Variants in HIPK3 observed in about 807,000 individuals in gnomAD.
HIPK3 encodes homeodomain-interacting protein kinase 3.
Under a neutral mutation model 124.2 loss-of-function variants are expected in HIPK3, and 47 were observed. The observed-to-expected ratio is 0.38, with a 90% CI of 0.30 to 0.48. The LOEUF is 0.48. Among genes scored for constraint, HIPK3 ranks in the 20% least tolerant of loss-of-function variants. The pLI is 0.98. For missense variants in HIPK3, 1,286 were observed against 1,454.3 expected (o/e 0.88, Z 1.88); for synonymous variants, 482 against 515.2 (o/e 0.94, Z 0.87).
At chr11:33,288,503 C>G (rs919774532) in intron 2 of HIPK3, among the ~76,000 whole-genome samples, 1 of 152,146 alleles carries the variant, frequency 6.6e-6, no homozygotes, top group African/African-American at 2.4e-5. Context: ...TCCCGTGACT[C>G]TTTAGGTCAC....
intron 2 of HIPK3, among the ~76,000 whole-genome samples, chr11:33,287,788 A>G (rs151262581): frequency 2.0e-5 from 3 of 152,366 alleles, no homozygotes; most frequent in African/African-American, 7.2e-5. Flanking sequence ...GTGATTAATA[A>G]TGATCAAACA....
chr11:33,299,250 G>C (rs1042696108), intron 2 of HIPK3, among the ~76,000 whole-genome samples: 5 of 151,668 alleles, frequency 3.3e-5, no homozygotes, highest in Admixed American at 6.6e-5. Context: ...GAGGCAGGTG[G>C]ATCACGAGGT....
At chr11:33,302,133 A>G (rs796162082) in intron 2 of HIPK3, among the ~76,000 whole-genome samples, 21 of 152,300 alleles carry the variant, frequency 1.4e-4, no homozygotes, top group African/African-American at 4.8e-4. Flanking sequence ...GTTATCTAGA[A>G]TCCCTTTCAG....
chr11:33,263,997 A>C (rs539902954), intron 1 of HIPK3, among the ~76,000 whole-genome samples: 20 of 152,316 alleles, frequency 1.3e-4, no homozygotes, highest in African/African-American at 4.8e-4. Context: ...TGGAGATCTT[A>C]AAAAATAAAA....
intron 1 of HIPK3, among the ~76,000 whole-genome samples, chr11:33,266,507 G>T (rs186428681): frequency 6.6e-6 from 1 of 152,242 alleles, no homozygotes; most frequent in Admixed American, 6.5e-5. Flanking sequence ...AGACCAGCTT[G>T]TGCAACATGC....
intron 12 of HIPK3, 35 bp downstream of exon 12, chr11:33,348,263 T>G: frequency 6.4e-7 from 1 of 1,573,882 alleles, no homozygotes; most frequent in African/African-American, 1.3e-5. Flanking sequence ...TGATTTATTA[T>G]CTACCTGTAA....
chr11:33,346,928 C>A (rs749353399), intron 8 of HIPK3, among the ~76,000 whole-genome samples: 2 of 152,078 alleles, frequency 1.3e-5, no homozygotes, highest in Non-Finnish European at 2.9e-5. Flanking sequence ...GTGGCTCATG[C>A]CTGTGATACC....
chr11:33,353,744 T>C lies in HIPK3; in HGVS notation c.*176T>C. The C allele has an allele frequency of 1.7e-6, 1 of 574,350 alleles. No homozygotes were observed. Among genetic ancestry groups the C allele is most frequent in the East Asian group, 3.0e-5 (1 of 33,776 alleles). The allele number at this position is 574,350 out of a possible 1,614,324, so 35.6% of individuals were successfully genotyped here. On this transcript the variant is annotated 3_prime_UTR_variant, in exon 17 of 17. Coordinates refer to ENST00000303296, the MANE Select transcript of HIPK3 (RefSeq NM_005734.5). ...TTTGATGTGTTTTGCACATTTGGTATAACTTGTCTTTGGTCATGTTATCTT... is the reference window on the plus strand; with the variant it reads ...TTTGATGTGTTTTGCACATTTGGTACAACTTGTCTTTGGTCATGTTATCTT...
At chr11:33,296,374 C>T (rs1328140040) in intron 2 of HIPK3, among the ~76,000 whole-genome samples, 1 of 152,142 alleles carries the variant, frequency 6.6e-6, no homozygotes, top group Non-Finnish European at 1.5e-5. Flanking sequence ...AAAACAGGAC[C>T]TGGACACAGG....
Position 33,338,855 on chromosome 11 carries a change from A to C in HIPK3, c.1428+12A>C. 1 of 1,589,746 alleles carries C rather than the reference A, an allele frequency of 6.3e-7. No individual in the cohort carries two copies. The highest frequency in any genetic ancestry group is 8.6e-7 in the Non-Finnish European group (1 of 1,159,744). On this transcript the variant is annotated intron_variant, in intron 5 of 16. Coordinates refer to ENST00000303296, the MANE Select transcript of HIPK3 (RefSeq NM_005734.5). ...ATGATGTAGCGCATGTGAGTACCAT[A>C]GCCACATTTGTTCATCTTACATGCT... is the stretch of plus-strand genomic sequence containing the variant.
intron 2 of HIPK3, among the ~76,000 whole-genome samples, chr11:33,295,328 T>TC (rs1455647179): frequency 1.5e-5 from 2 of 136,412 alleles, no homozygotes; most frequent in East Asian, 4.8e-4. Context: ...CCGAAGGACT[T>TC]CGGGACTGTT....
intron 2 of HIPK3, among the ~76,000 whole-genome samples, chr11:33,306,178 C>T (rs540150672): frequency 1.3e-5 from 2 of 152,200 alleles, no homozygotes; most frequent in South Asian, 4.1e-4. Flanking sequence ...AACTCTTTTA[C>T]TTAATTTTTA....
intron 1 of HIPK3, among the ~76,000 whole-genome samples, chr11:33,270,904 A>G (rs529110378): frequency 2.7e-4 from 41 of 152,344 alleles, no homozygotes; most frequent in African/African-American, 8.7e-4. Context: ...AACTGACTTG[A>G]AGGAATTAGG....
intron 2 of HIPK3, among the ~76,000 whole-genome samples, chr11:33,291,906 T>C (rs1321960255): frequency 6.6e-6 from 1 of 152,204 alleles, no homozygotes; most frequent in Non-Finnish European, 1.5e-5. Context: ...CTATTTTGCA[T>C]GTAATAGTTA....
Position 33,349,294 on chromosome 11 carries a change from G to T in HIPK3, c.2807+7G>T. ...CCTGCAAGAGACCGAATAGGTAAAA[G>T]AATCTCAATAGTAGTGTGTAATAAA... On this transcript the variant is annotated splice_region_variant and intron_variant, in intron 14 of 16. Coordinates refer to ENST00000303296, the MANE Select transcript of HIPK3 (RefSeq NM_005734.5). 2 of 1,608,090 alleles carry T rather than the reference G, an allele frequency of 1.2e-6. No homozygotes were observed. The highest frequency in any genetic ancestry group is 8.5e-7 in the Non-Finnish European group (1 of 1,177,542).
At chr11:33,294,232 T>C (rs1212384541) in intron 2 of HIPK3, among the ~76,000 whole-genome samples, 2 of 152,280 alleles carry the variant, frequency 1.3e-5, no homozygotes, top group Admixed American at 6.5e-5. Flanking sequence ...TCCTTTTTTT[T>C]CTTTAACTTT....
In HIPK3 at chr11:33,341,556, G is replaced by A. The variant is rs918939381; in HGVS notation, c.1774-7G>A. ...GACTGCTCTATATAATGTGCTCGTT[G>A]TTTCAGGCATTGACCACATCTGCTC... On this transcript the variant is annotated splice_polypyrimidine_tract_variant and splice_region_variant and intron_variant, in intron 7 of 16. Coordinates refer to ENST00000303296, the MANE Select transcript of HIPK3 (RefSeq NM_005734.5). 3 of 1,604,466 alleles carry A rather than the reference G, an allele frequency of 1.9e-6. No individual in the cohort carries two copies. The highest frequency in any genetic ancestry group is 2.6e-6 in the Non-Finnish European group (3 of 1,176,118).
intron 1 of HIPK3, among the ~76,000 whole-genome samples, chr11:33,262,953 A>T (rs780545277): frequency 1.3e-5 from 2 of 152,130 alleles, no homozygotes; most frequent in Non-Finnish European, 2.9e-5. Context: ...AATAGCTGAG[A>T]CTACAGGAGG....
chr11:33,274,587 A>T (rs1462467814), intron 1 of HIPK3, among the ~76,000 whole-genome samples: 1 of 152,224 alleles, frequency 6.6e-6, no homozygotes, highest in Non-Finnish European at 1.5e-5. Flanking sequence ...ATCAAGAAAG[A>T]GGGAACTTCA....
Sources: gnomAD v4.1 joint callset for allele counts (sites outside exome capture counted in the v4.1 genomes callset) on GRCh38, gnomAD v4.1.1 for gene constraint, MANE v1.5 for transcripts, NCBI Gene and HGNC (gene_info 2026-07-23, HGNC 2026-07-21) for gene names.